PHLPP1: variants seen among roughly 807,000 people sequenced by gnomAD.
PHLPP1 encodes the protein PH domain and leucine rich repeat protein phosphatase 1, also known as PH domain leucine-rich repeat-containing protein phosphatase 1.
A neutral mutation model predicts 117.2 loss-of-function variants in PHLPP1; 42 were observed. The ratio of observed to expected loss-of-function variants is 0.36; its 90% confidence interval spans 0.28 to 0.46. PHLPP1 has a LOEUF of 0.46. Ranked by LOEUF, PHLPP1 falls within the 20% of genes least tolerant of loss-of-function variation. The probability of loss-of-function intolerance (pLI) is 1.00; values close to 1 mark genes in which losing one functional copy is unlikely to be tolerated. For synonymous variants in PHLPP1, 1,042 were observed against 970.7 expected (o/e 1.07, Z -1.37); for missense variants, 2,084 against 2,241.9 (o/e 0.93, Z 1.42).
chr18:62,861,130 G>C (rs1053792115), intron 4 of PHLPP1, among the ~76,000 whole-genome samples: 2 of 151,748 alleles, frequency 1.3e-5, no homozygotes, highest in Admixed American at 6.6e-5. Context: ...TTATTTTTTT[G>C]AGACAGAGTC....
At chr18:62,833,152 C>T (rs1248983076) in intron 2 of PHLPP1, among the ~76,000 whole-genome samples, 1 of 152,086 alleles carries the variant, frequency 6.6e-6, no homozygotes, top group Non-Finnish European at 1.5e-5. Flanking sequence ...TGGGTCACTG[C>T]ACTCTCTGCC....
intron 1 of PHLPP1, among the ~76,000 whole-genome samples, chr18:62,765,514 C>T (rs1293615945): frequency 6.6e-6 from 1 of 152,166 alleles, no homozygotes; most frequent in African/African-American, 2.4e-5. Context: ...AAGCCATTTG[C>T]TCATATATCT....
At chr18:62,790,801 TG>T (rs1913433555) in intron 1 of PHLPP1, among the ~76,000 whole-genome samples, 1 of 152,062 alleles carries the variant, frequency 6.6e-6, no homozygotes, top group South Asian at 2.1e-4. Context: ...AATCTGAGTC[TG>T]GGGACTGAGA....
At position 62,920,120 on chromosome 18, in the gene PHLPP1, G is replaced by C. The variant is rs745334143; in HGVS notation, c.2960+6G>C. On this transcript the variant is annotated splice_donor_region_variant and intron_variant, in intron 10 of 16. Coordinates refer to ENST00000262719, the MANE Select transcript of PHLPP1 (RefSeq NM_194449.4). ...CTTCTGATGAAGGCTGACAGGTAAA[G>C]CCATTTGTCTTGTTTATCATCTGAG... 169 of 1,612,600 alleles carry C rather than the reference G, an allele frequency of 1.0e-4. No individual in the cohort carries two copies. The highest frequency in any genetic ancestry group is 1.7e-4 in the Middle Eastern group (1 of 6,042).
At chr18:62,855,951 A>G (rs1295623736) in intron 3 of PHLPP1, among the ~76,000 whole-genome samples, 2 of 152,224 alleles carry the variant, frequency 1.3e-5, no homozygotes, top group Non-Finnish European at 2.9e-5. Context: ...ACGTGGGGTT[A>G]TATCAGTGAA....
In PHLPP1 at chr18:62,715,773, A is replaced by C; in HGVS notation, c.90A>C (p.Ala30=). 3 of 717,460 alleles carry C rather than the reference A, an allele frequency of 4.2e-6. No homozygotes were observed. The highest frequency in any genetic ancestry group is 6.1e-5 in the Admixed American group (1 of 16,294). The allele number at this position is 717,460 out of a possible 1,614,324, so 44.4% of individuals were successfully genotyped here. The change falls in exon 1 of 17, where the codon GCA becomes GCC. Residue 30 remains alanine, a synonymous_variant. Transcript: ENST00000262719. ...RASAPAAAAA[A]AAAAAAAAAA... Reference sequence around the variant, plus strand: ...CGGCTCCGGCGGCCGCCGCTGCGGCAGCAGCAGCAGCAGCGGCGGCCGCGG... The same window carrying C: ...CGGCTCCGGCGGCCGCCGCTGCGGCCGCAGCAGCAGCAGCGGCGGCCGCGG...
chr18:62,933,679 A>T (rs1909886138), intron 10 of PHLPP1, among the ~76,000 whole-genome samples: 1 of 152,210 alleles, frequency 6.6e-6, no homozygotes. Flanking sequence ...ACTCTTCTGG[A>T]CATTGGCCTG....
intron 1 of PHLPP1, among the ~76,000 whole-genome samples, chr18:62,767,944 AG>A (rs1912606380): frequency 6.6e-6 from 1 of 152,200 alleles, no homozygotes; most frequent in South Asian, 2.1e-4. Context: ...GCTGGCACTT[AG>A]ATAACTAAGA....
At chr18:62,869,492 C>T (rs1056998058) in intron 4 of PHLPP1, among the ~76,000 whole-genome samples, 1 of 152,150 alleles carries the variant, frequency 6.6e-6, no homozygotes, top group African/African-American at 2.4e-5. Flanking sequence ...GTCCTTGTAC[C>T]CTTCTCTTTA....
chr18:62,945,302 T>G (rs758537481), intron 12 of PHLPP1, 31 bp downstream of exon 12: 1 of 1,554,124 alleles, frequency 6.4e-7, no homozygotes, highest in South Asian at 1.2e-5. Context: ...AACTCTAAGC[T>G]TCAGGTCGGC....
chr18:62,729,383 C>T (rs2122057640), intron 1 of PHLPP1, among the ~76,000 whole-genome samples: 1 of 152,268 alleles, frequency 6.6e-6, no homozygotes, highest in South Asian at 2.1e-4. Flanking sequence ...AGGAGAAAAT[C>T]TCCGGACCCA....
intron 1 of PHLPP1, among the ~76,000 whole-genome samples, chr18:62,825,014 C>T (rs1914571271): frequency 6.6e-6 from 1 of 151,744 alleles, no homozygotes; most frequent in African/African-American, 2.4e-5. Context: ...GCAACCTCTG[C>T]CTCCCGGGTT....
At chr18:62,783,316 C>T (rs71352594) in intron 1 of PHLPP1, among the ~76,000 whole-genome samples, 8,513 of 150,968 alleles carry the variant, frequency 0.056, 335 homozygotes, top group Middle Eastern at 0.086. Context: ...CAAGCTCTGC[C>T]TCCTGGGTTC....
At chr18:62,933,803 AACAGACAATCT>A (rs1909888722) in intron 10 of PHLPP1, among the ~76,000 whole-genome samples, 1 of 152,226 alleles carries the variant, frequency 6.6e-6, no homozygotes, top group African/African-American at 2.4e-5. Context: ...CAACAGAATG[AACAGACAATCT>A]ACAGAATGGT....
At chr18:62,808,565 T>TTTTTTTTTTTTTTTTTA (rs747889895) in intron 1 of PHLPP1, among the ~76,000 whole-genome samples, 4 of 150,798 alleles carry the variant, frequency 2.7e-5, no homozygotes, top group Non-Finnish European at 5.9e-5. Context: ...TTGTTTTTTT[T>TTTTTTTTTTTTTTTTTA]TTTTGAGACG....
chr18:62,923,389 C>CA (rs951999138), intron 10 of PHLPP1, among the ~76,000 whole-genome samples: 2 of 152,182 alleles, frequency 1.3e-5, no homozygotes, highest in Admixed American at 6.5e-5. Flanking sequence ...CATACTCCTG[C>CA]ACCTTTGTTT....
intron 1 of PHLPP1, among the ~76,000 whole-genome samples, chr18:62,792,767 A>G (rs549674082): frequency 2.6e-5 from 4 of 151,468 alleles, no homozygotes; most frequent in South Asian, 2.1e-4. Flanking sequence ...TTGGGAGGCC[A>G]AGGTGGGAAG....
intron 1 of PHLPP1, among the ~76,000 whole-genome samples, chr18:62,816,338 G>A (rs777340438): frequency 1.3e-5 from 2 of 152,114 alleles, no homozygotes; most frequent in Non-Finnish European, 2.9e-5. Context: ...GGCCGAGGTG[G>A]GCGGATCATG....
intron 1 of PHLPP1, among the ~76,000 whole-genome samples, chr18:62,829,753 A>G (rs1194229154): frequency 6.6e-6 from 1 of 152,004 alleles, no homozygotes; most frequent in Non-Finnish European, 1.5e-5. Flanking sequence ...CTCCATCTCA[A>G]AAAAAAAGAA....
Sources: allele counts gnomAD v4.1 joint callset (sites outside exome capture counted in the v4.1 genomes callset), GRCh38; gene constraint gnomAD v4.1.1; transcripts MANE v1.5; gene names NCBI Gene and HGNC (gene_info 2026-07-23, HGNC 2026-07-21).